The following CFAP47 variants were observed in gnomAD, a reference collection of about 807,000 sequenced individuals.
The protein encoded by CFAP47 is cilia- and flagella-associated protein 47.
Under a neutral mutation model 148.1 loss-of-function variants are expected in CFAP47, and 29 were observed. The observed-to-expected ratio is 0.20, with a 90% CI of 0.15 to 0.27. CFAP47 has a LOEUF of 0.27. Among genes scored for constraint, CFAP47 ranks in the 10% least tolerant of loss-of-function variants. The probability of loss-of-function intolerance (pLI) is 1.00; values close to 1 mark genes in which losing one functional copy is unlikely to be tolerated. For missense variants in CFAP47, 1,872 were observed against 1,697.5 expected (o/e 1.10, Z -1.81); for synonymous variants, 664 against 577.3 (o/e 1.15, Z -2.15).
intron 26 of CFAP47, among the ~76,000 whole-genome samples, chrX:36,060,511 A>G (rs762154185): frequency 1.8e-5 from 2 of 111,947 alleles, no homozygotes; most frequent in South Asian, 3.7e-4. Flanking sequence ...TACCAATGAG[A>G]TGGTTCATGT....
chrX:35,953,953 T>A (rs1171111604), intron 7 of CFAP47, among the ~76,000 whole-genome samples: 2 of 111,430 alleles, frequency 1.8e-5, no homozygotes, highest in South Asian at 7.5e-4. Context: ...TTTTAAATGA[T>A]GTTAGATAAA....
rs1556008254 is a variant in CFAP47 at position 36,303,780 on chromosome X, A to G, written c.7971-69A>G. 4 of 525,957 alleles carry G rather than the reference A, an allele frequency of 7.6e-6. No individual in the cohort carries two copies. In the African/African-American group the frequency reaches 9.6e-5, roughly 13 times the overall value. The allele number at this position is 525,957 out of a possible 1,213,427, so 43.3% of individuals were successfully genotyped here. A position where few individuals can be genotyped will look rare whatever the true frequency, so the allele number is the denominator to read the frequency against. The stretch of plus-strand genomic sequence containing the variant: ...CATATTTTAATCCTAGGGGTCATCA[A>G]GTTTATGGAATTAACACTAAATAAG... On this transcript the variant is annotated intron_variant, in intron 53 of 63. Coordinates refer to ENST00000378653, the MANE Select transcript of CFAP47 (RefSeq NM_001304548.2).
Position 35,951,930 on chromosome X carries a change from A to G in CFAP47, c.1013A>G (p.Gln338Arg), listed in dbSNP as rs748214838. 4 of 1,171,957 alleles carry G rather than the reference A, an allele frequency of 3.4e-6. No homozygotes were observed. The South Asian group carries it at 8.0e-5, about 23-fold the overall frequency. ...AATGAAGGGACTTTACAACCTTATC[A>G]AAAGACTGTAATTACATTTTGTTTC... is the stretch of plus-strand genomic sequence containing the variant. ...LPNEGTLQPY[Q>R]KTVITFCFTP... The change falls in exon 6 of 64, where the codon CAA (glutamine) becomes CGA (arginine). Residue 338 changes from glutamine to arginine, a missense_variant. Gln to Arg is a conservative substitution (Grantham distance 43). Transcript: ENST00000378653.
chrX:36,187,119 C>A (rs1422167867), intron 40 of CFAP47, among the ~76,000 whole-genome samples: 2 of 111,747 alleles, frequency 1.8e-5, no homozygotes, highest in Admixed American at 1.9e-4. Flanking sequence ...TTTTTCCAGT[C>A]AAATTATTTC....
chrX:36,071,529 T>A (rs770134626), intron 27 of CFAP47, among the ~76,000 whole-genome samples: 8 of 112,351 alleles, frequency 7.1e-5, no homozygotes, highest in Non-Finnish European at 1.3e-4. Flanking sequence ...TATTCTTTTT[T>A]ACGCTAAAGT....
intron 35 of CFAP47, among the ~76,000 whole-genome samples, chrX:36,138,987 AT>A (rs940561549): frequency 1.8e-5 from 2 of 111,709 alleles, no homozygotes; most frequent in Non-Finnish European, 3.8e-5. Context: ...GATTCTTACT[AT>A]TTTATGAGCC....
chrX:36,122,544 C>A (rs1291788004), intron 33 of CFAP47, among the ~76,000 whole-genome samples: 1 of 111,395 alleles, frequency 9.0e-6, no homozygotes, highest in Non-Finnish European at 1.9e-5. Flanking sequence ...TATCTTCAAG[C>A]TCAGTAATTC....
At chrX:35,972,639 T>C (rs1936511755) in intron 13 of CFAP47, among the ~76,000 whole-genome samples, 1 of 112,125 alleles carries the variant, frequency 8.9e-6, no homozygotes, top group Non-Finnish European at 1.9e-5. Context: ...CTTTCATATA[T>C]TGTTTCTTAC....
At chrX:36,299,318 C>T (rs782638988) in intron 52 of CFAP47, among the ~76,000 whole-genome samples, 166 bp downstream of exon 52, 9 of 111,828 alleles carry the variant, frequency 8.0e-5, no homozygotes, top group Admixed American at 5.7e-4. Context: ...TTAGCTTTTG[C>T]TTGCTTCAGT....
intron 57 of CFAP47, among the ~76,000 whole-genome samples, chrX:36,321,236 G>A (rs984090303): frequency 4.5e-5 from 5 of 111,719 alleles, no homozygotes; most frequent in African/African-American, 6.5e-5. Context: ...TTGCAACAAC[G>A]TGGATAGAAC....
chrX:36,089,475 G>A (rs1938147734), intron 30 of CFAP47, among the ~76,000 whole-genome samples: 1 of 112,157 alleles, frequency 8.9e-6, no homozygotes, highest in Admixed American at 9.5e-5. Context: ...TTGCATCTAA[G>A]AATGAAAATA....
intron 29 of CFAP47, among the ~76,000 whole-genome samples, chrX:36,084,992 C>T (rs561229056): frequency 1.8e-5 from 2 of 111,509 alleles, no homozygotes; most frequent in South Asian, 7.5e-4. Flanking sequence ...TTGCCATACT[C>T]ACTCAGCTAG....
At chrX:36,237,584 C>A (rs988483576) in intron 48 of CFAP47, among the ~76,000 whole-genome samples, 4 of 112,108 alleles carry the variant, frequency 3.6e-5, no homozygotes, top group Non-Finnish European at 7.5e-5. Context: ...CCCACCTTGG[C>A]CTCCCAAAGT....
At chrX:36,240,291 C>G (rs1187970758) in intron 48 of CFAP47, among the ~76,000 whole-genome samples, 7 of 111,672 alleles carry the variant, frequency 6.3e-5, no homozygotes, top group Non-Finnish European at 1.1e-4. Context: ...GAAGCTGTCT[C>G]TAAGGGGACC....
At chrX:36,175,861 A>C (rs1276856736) in intron 39 of CFAP47, among the ~76,000 whole-genome samples, 2 of 113,318 alleles carry the variant, frequency 1.8e-5, no homozygotes, top group East Asian at 5.6e-4. Context: ...TTGTTTACCT[A>C]AGCAAGCCTG....
intron 37 of CFAP47, among the ~76,000 whole-genome samples, chrX:36,155,509 C>G (rs1939356403): frequency 9.0e-6 from 1 of 111,146 alleles, no homozygotes; most frequent in Admixed American, 9.6e-5. Context: ...GTGGTGGTTT[C>G]CTCTAACCAG....
chrX:36,342,599 A>G (rs1393387955), intron 57 of CFAP47, among the ~76,000 whole-genome samples: 1 of 110,465 alleles, frequency 9.1e-6, no homozygotes, highest in African/African-American at 3.4e-5. Flanking sequence ...AGCATTTCAA[A>G]TTCATACTCT....
intron 2 of CFAP47, among the ~76,000 whole-genome samples, chrX:35,938,683 A>G (rs750828041): frequency 8.9e-6 from 1 of 111,877 alleles, no homozygotes; most frequent in East Asian, 2.8e-4. Context: ...AGTTGTCTCC[A>G]TAATGAGTAG....
intron 40 of CFAP47, among the ~76,000 whole-genome samples, chrX:36,185,186 T>A (rs1472224474): frequency 1.8e-5 from 2 of 110,573 alleles, no homozygotes; most frequent in African/African-American, 6.6e-5. Flanking sequence ...GCCAAATTCC[T>A]GGTTCATAGA....
Sources: gnomAD v4.1 joint callset for allele counts (sites outside exome capture counted in the v4.1 genomes callset) on GRCh38, gnomAD v4.1.1 for gene constraint, MANE v1.5 for transcripts, NCBI Gene and HGNC (gene_info 2026-07-23, HGNC 2026-07-21) for gene names.